Variants in NR2F1-AS1 observed in about 807,000 individuals in gnomAD.
The protein encoded by NR2F1-AS1 is NR2F1 antisense RNA 1.
chr5:93,474,616 G>A (rs1434313671), intron 4 of NR2F1-AS1, among the ~76,000 whole-genome samples: 1 of 152,078 alleles, frequency 6.6e-6, no homozygotes, highest in Non-Finnish European at 1.5e-5. Flanking sequence ...CTACTTATTC[G>A]TTGTCTTCAC....
chr5:93,519,354 T>C (rs1751456817), intron 4 of NR2F1-AS1, among the ~76,000 whole-genome samples: 1 of 152,042 alleles, frequency 6.6e-6, no homozygotes, highest in Non-Finnish European at 1.5e-5. Context: ...TATATGCATA[T>C]GTATTTAAGT....
intron 4 of NR2F1-AS1, among the ~76,000 whole-genome samples, chr5:93,521,036 A>G (rs1446895698): frequency 1.3e-5 from 2 of 152,176 alleles, no homozygotes; most frequent in Non-Finnish European, 2.9e-5. Flanking sequence ...GACCAATGGA[A>G]CAGAACAGAG....
rs201052526 is a variant in NR2F1-AS1, at chr5:93,579,098, CTG to C, written n.313+1367_313+1368del. Among the ~76,000 whole-genome samples, 3,820 of 152,348 alleles carry C rather than the reference CTG, an allele frequency of 0.025. 76 individuals are homozygous for C. Among genetic ancestry groups the C allele is most frequent in the Non-Finnish European group, 0.038 (2,590 of 68,032 alleles). ...GGGAGCACAGGCTTCCGAAGAGAAA[CTG>C]AGCTCTAAGTGCCACTCAGGCCGGA... On this transcript the variant is annotated intron_variant and non_coding_transcript_variant, in intron 1 of 5. Transcript: ENST00000660523. This position sits in a 1 kb window ranked among gnomAD's most constrained non-coding sequence, Gnocchi z 5.1.
chr5:93,508,617 G>A (rs1751234144), intron 4 of NR2F1-AS1, among the ~76,000 whole-genome samples: 1 of 151,882 alleles, frequency 6.6e-6, no homozygotes, highest in South Asian at 2.1e-4. Flanking sequence ...TATTTACACA[G>A]TAAGTTTTGA....
chr5:93,529,165 T>G (rs965645642), intron 4 of NR2F1-AS1, among the ~76,000 whole-genome samples: 4 of 152,176 alleles, frequency 2.6e-5, no homozygotes, highest in Non-Finnish European at 5.9e-5. Context: ...AGATTATTTC[T>G]CACATAATGC....
At chr5:93,523,540 A>G (rs1751549112) in intron 4 of NR2F1-AS1, among the ~76,000 whole-genome samples, 1 of 152,180 alleles carries the variant, frequency 6.6e-6, no homozygotes, top group Non-Finnish European at 1.5e-5. Flanking sequence ...CCTGAACCCC[A>G]TGCCTCCTGA....
chr5:93,414,128 T>C (rs1748918913), intron 4 of NR2F1-AS1, among the ~76,000 whole-genome samples: 1 of 152,328 alleles, frequency 6.6e-6, no homozygotes, highest in Admixed American at 6.5e-5. Context: ...ACATACTACA[T>C]ACATATACAC....
intron 4 of NR2F1-AS1, among the ~76,000 whole-genome samples, chr5:93,444,423 T>G (rs1162647497): frequency 6.6e-6 from 1 of 152,134 alleles, no homozygotes; most frequent in African/African-American, 2.4e-5. Context: ...AAACAGACTT[T>G]AAACCAACTA....
chr5:93,571,827 A>AGG (rs1024684062), intron 1 of NR2F1-AS1, among the ~76,000 whole-genome samples: 3 of 151,890 alleles, frequency 2.0e-5, no homozygotes, highest in African/African-American at 7.3e-5. Flanking sequence ...TCACATCTGG[A>AGG]GGGGGTTCCC....
chr5:93,536,452 G>GA (rs1561488442), intron 4 of NR2F1-AS1, among the ~76,000 whole-genome samples: 7 of 151,936 alleles, frequency 4.6e-5, no homozygotes. Flanking sequence ...AATTCATACA[G>GA]AATCACAAAA....
intron 4 of NR2F1-AS1, among the ~76,000 whole-genome samples, chr5:93,533,773 T>C (rs1297879507): frequency 1.3e-5 from 2 of 152,184 alleles, no homozygotes; most frequent in Non-Finnish European, 2.9e-5. Flanking sequence ...AGGATATATC[T>C]CTAGTAAGAG....
chr5:93,583,965 A>ATT (rs1378768767), upstream of NR2F1-AS1: 1 of 152,168 alleles, frequency 6.6e-6, no homozygotes, highest in African/African-American at 2.4e-5. Flanking sequence ...CAAAAAGAGC[A>ATT]AAGTGTGTGA....
At chr5:93,431,100 C>T (rs1324002286) in intron 4 of NR2F1-AS1, among the ~76,000 whole-genome samples, 1 of 152,136 alleles carries the variant, frequency 6.6e-6, no homozygotes, top group Non-Finnish European at 1.5e-5. Flanking sequence ...GCTGGAATGC[C>T]AGCACAGTTA....
chr5:93,547,176 T>G (rs1051514112), intron 4 of NR2F1-AS1, among the ~76,000 whole-genome samples: 2 of 152,194 alleles, frequency 1.3e-5, no homozygotes, highest in African/African-American at 4.8e-5. Context: ...CATATGTATA[T>G]GCATATATAT....
intron 1 of NR2F1-AS1, among the ~76,000 whole-genome samples, chr5:93,577,237 G>C (rs1303150434): frequency 1.3e-5 from 2 of 152,234 alleles, no homozygotes; most frequent in African/African-American, 4.8e-5. Context: ...CAAAACACGT[G>C]CTTTAAATGA....
At chr5:93,456,141 G>C (rs1215834461) in intron 4 of NR2F1-AS1, among the ~76,000 whole-genome samples, 1 of 152,054 alleles carries the variant, frequency 6.6e-6, no homozygotes, top group Non-Finnish European at 1.5e-5. Flanking sequence ...CTGTCTTTTT[G>C]ATAGCTGGCA....
intron 4 of NR2F1-AS1, among the ~76,000 whole-genome samples, chr5:93,431,394 G>A (rs1186501135): frequency 6.6e-6 from 1 of 152,204 alleles, no homozygotes; most frequent in Non-Finnish European, 1.5e-5. Flanking sequence ...TTGTGTTTAT[G>A]ATTGATTGAG....
intron 4 of NR2F1-AS1, among the ~76,000 whole-genome samples, chr5:93,452,005 ATTTAGAATTATCTAATGT>A (rs995625430): frequency 1.3e-5 from 2 of 152,146 alleles, no homozygotes; most frequent in African/African-American, 4.8e-5. Flanking sequence ...CTGGAAATTA[ATTTAGAATTATCTAATGT>A]TTTATACCAT....
chr5:93,415,246 G>C (rs187778353), intron 4 of NR2F1-AS1, among the ~76,000 whole-genome samples: 36 of 152,218 alleles, frequency 2.4e-4, no homozygotes, highest in Admixed American at 9.2e-4. Flanking sequence ...TCTTTTAACT[G>C]TATCTACTTC....
Sources: allele counts gnomAD v4.1 joint callset (sites outside exome capture counted in the v4.1 genomes callset), GRCh38; gene constraint gnomAD v4.1.1; non-coding constraint Gnocchi (gnomAD v3.1); transcripts MANE v1.5; gene names NCBI Gene and HGNC (gene_info 2026-07-23, HGNC 2026-07-21).